The following SORCS3 variants were observed in gnomAD, a reference collection of about 807,000 sequenced individuals.
SORCS3 encodes the protein VPS10 domain-containing receptor SorCS3.
A neutral mutation model predicts 146.3 loss-of-function variants in SORCS3; 57 were observed. The observed-to-expected ratio is 0.39, with a 90% CI of 0.31 to 0.49. SORCS3 has a LOEUF of 0.49. Ranked by LOEUF, SORCS3 falls within the 20% of genes least tolerant of loss-of-function variation. SORCS3 has a pLI of 0.92. For missense variants in SORCS3, 1,341 were observed against 1,575.5 expected (o/e 0.85, Z 2.52); for synonymous variants, 653 against 618.5 (o/e 1.06, Z -0.83).
At chr10:105,141,611 G>A (rs2056095782) in intron 8 of SORCS3, among the ~76,000 whole-genome samples, 1 of 152,138 alleles carries the variant, frequency 6.6e-6, no homozygotes, top group Non-Finnish European at 1.5e-5. Context: ...GTACTCCATA[G>A]CTTTGTAGTG....
intron 3 of SORCS3, among the ~76,000 whole-genome samples, chr10:104,952,226 C>G (rs1372984541): frequency 7.7e-6 from 1 of 129,432 alleles, no homozygotes; most frequent in African/African-American, 2.9e-5. Context: ...AGCACACTCT[C>G]CAGGTGATTC....
At chr10:105,158,575 G>A (rs1589661540) in intron 10 of SORCS3, among the ~76,000 whole-genome samples, 2 of 152,088 alleles carry the variant, frequency 1.3e-5, no homozygotes, top group Non-Finnish European at 2.9e-5. Flanking sequence ...CTGGTAGAAG[G>A]AATGGTCAAG....
At chr10:104,847,156 G>A (rs370151661) in intron 2 of SORCS3, among the ~76,000 whole-genome samples, 8 of 152,194 alleles carry the variant, frequency 5.3e-5, no homozygotes, top group Non-Finnish European at 1.0e-4. Flanking sequence ...GTGGATGCGC[G>A]TGTGTCTCTG....
At chr10:105,171,073 A>T (rs2056355817) in intron 13 of SORCS3, among the ~76,000 whole-genome samples, 1 of 152,164 alleles carries the variant, frequency 6.6e-6, no homozygotes, top group Admixed American at 6.6e-5. Context: ...GGAAAAAGAC[A>T]CCAGATTACC....
chr10:105,111,091 T>C (rs1019746967), intron 7 of SORCS3, among the ~76,000 whole-genome samples: 5 of 152,240 alleles, frequency 3.3e-5, no homozygotes, highest in African/African-American at 1.2e-4. Context: ...CCTTGTTTCA[T>C]TGTAACCTTC....
chr10:105,224,899 C>T (rs1266430381), intron 20 of SORCS3, among the ~76,000 whole-genome samples: 2 of 151,764 alleles, frequency 1.3e-5, no homozygotes, highest in African/African-American at 4.9e-5. Context: ...GGTGAGTTGT[C>T]TATTAAGGTC....
intron 1 of SORCS3, among the ~76,000 whole-genome samples, chr10:104,667,316 A>G (rs2015793236): frequency 6.6e-6 from 1 of 152,082 alleles, no homozygotes. Context: ...CCTATGCCCC[A>G]TCTTTTTGCT....
chr10:104,919,506 C>T (rs1221624111), intron 3 of SORCS3, among the ~76,000 whole-genome samples: 3 of 151,988 alleles, frequency 2.0e-5, no homozygotes, highest in Admixed American at 2.0e-4. Context: ...GCCTGACCAA[C>T]ATGGAGAAAC....
intron 7 of SORCS3, among the ~76,000 whole-genome samples, chr10:105,121,780 C>T (rs1401682886): frequency 6.6e-6 from 1 of 152,186 alleles, no homozygotes; most frequent in Non-Finnish European, 1.5e-5. Flanking sequence ...CTCAGATATA[C>T]TTGGGGGATT....
chr10:105,100,471 A>G lies in SORCS3; in HGVS notation c.1094-4926A>G, dbSNP rs560647839. Among the ~76,000 whole-genome samples the G allele has an allele frequency of 6.6e-5, 10 of 152,346 alleles. No homozygotes were observed. The South Asian group carries it at 2.1e-3, about 32-fold the overall frequency. The stretch of plus-strand genomic sequence containing the variant: ...TCATTAACATGCAAGTATGTCACGT[A>G]TTTCATGAGCTTTGCTTACATAAAA... On this transcript the variant is annotated intron_variant, in intron 6 of 26. Transcript: ENST00000369701.
intron 4 of SORCS3, among the ~76,000 whole-genome samples, chr10:105,014,211 A>G (rs977424481): frequency 9.9e-5 from 15 of 151,408 alleles, no homozygotes; most frequent in Non-Finnish European, 1.6e-4. Context: ...TTCTGGGACA[A>G]TTGGGTATTC....
At chr10:104,647,433 A>G (rs529938097) in intron 1 of SORCS3, among the ~76,000 whole-genome samples, 1 of 152,316 alleles carries the variant, frequency 6.6e-6, no homozygotes, top group East Asian at 1.9e-4. Context: ...CTACTTGTTT[A>G]TAGAATTTGC....
chr10:105,004,188 C>T (rs560424170), intron 4 of SORCS3, among the ~76,000 whole-genome samples: 36 of 152,140 alleles, frequency 2.4e-4, no homozygotes, highest in African/African-American at 6.5e-4. Flanking sequence ...GGAAGCCTGG[C>T]GGGGTTGGGG....
At chr10:105,020,937 T>C (rs2055194236) in intron 4 of SORCS3, among the ~76,000 whole-genome samples, 2 of 152,148 alleles carry the variant, frequency 1.3e-5, no homozygotes, top group African/African-American at 4.8e-5. Context: ...ATGTCTAACT[T>C]TGTAGTAATT....
intron 1 of SORCS3, among the ~76,000 whole-genome samples, chr10:104,714,487 CTT>C (rs1378727799): frequency 6.6e-6 from 1 of 152,062 alleles, no homozygotes; most frequent in Non-Finnish European, 1.5e-5. Flanking sequence ...TATTTAAAAA[CTT>C]GTCTTCATTT....
intron 1 of SORCS3, among the ~76,000 whole-genome samples, chr10:104,770,008 T>C (rs951668725): frequency 6.6e-6 from 1 of 151,958 alleles, no homozygotes; most frequent in African/African-American, 2.4e-5. Flanking sequence ...TCACTAGGGG[T>C]ATTCATGTAG....
chr10:105,225,701 C>T (rs1444723770), intron 20 of SORCS3, among the ~76,000 whole-genome samples: 1 of 151,934 alleles, frequency 6.6e-6, no homozygotes, highest in Non-Finnish European at 1.5e-5. Context: ...ATTAAGTATT[C>T]CTATCCATGA....
At chr10:105,067,862 C>A (rs1344619775) in intron 5 of SORCS3, among the ~76,000 whole-genome samples, 3 of 152,012 alleles carry the variant, frequency 2.0e-5, no homozygotes, top group Non-Finnish European at 4.4e-5. Context: ...TCCTGACCAT[C>A]CTCTGCTGCA....
chr10:104,951,302 G>A (rs7907824), intron 3 of SORCS3, among the ~76,000 whole-genome samples: 75,060 of 151,452 alleles, frequency 0.5, 22,480 homozygotes, highest in African/African-American at 0.86. Flanking sequence ...ACACTGCCTT[G>A]CTTGGTATAA....
Sources: allele counts gnomAD v4.1 joint callset (sites outside exome capture counted in the v4.1 genomes callset), GRCh38; gene constraint gnomAD v4.1.1; transcripts MANE v1.5; gene names NCBI Gene and HGNC (gene_info 2026-07-23, HGNC 2026-07-21).